PDZRN4: variants seen among roughly 807,000 people sequenced by gnomAD.
PDZRN4 encodes PDZ domain-containing RING finger protein 4.
A neutral mutation model predicts 99.0 loss-of-function variants in PDZRN4; 70 were observed. The observed-to-expected ratio is 0.71, with a 90% confidence interval of 0.58 to 0.86. The LOEUF (loss-of-function observed/expected upper bound fraction) is 0.86. PDZRN4 is among the 40% of genes least tolerant of loss of function. The pLI, the probability that PDZRN4 is intolerant of heterozygous loss-of-function variation, is 0.00. For missense variants in PDZRN4, 1,474 were observed against 1,331.2 expected (o/e 1.11, Z -1.67); for synonymous variants, 551 against 501.6 (o/e 1.10, Z -1.32).
chr12:41,251,761 A>T (rs1951171773), intron 3 of PDZRN4, among the ~76,000 whole-genome samples: 1 of 152,142 alleles, frequency 6.6e-6, no homozygotes, highest in Non-Finnish European at 1.5e-5. Context: ...GTCAGATTAC[A>T]ATATAGTCAA....
At chr12:41,275,956 C>T (rs367664131) in intron 3 of PDZRN4, among the ~76,000 whole-genome samples, 15 of 152,174 alleles carry the variant, frequency 9.9e-5, no homozygotes, top group African/African-American at 3.1e-4. Context: ...TTGTGAGTTT[C>T]GGAGTTGGGT....
intron 3 of PDZRN4, among the ~76,000 whole-genome samples, chr12:41,311,550 G>A (rs894334376): frequency 2.0e-5 from 3 of 152,104 alleles, no homozygotes; most frequent in African/African-American, 7.2e-5. Context: ...TGAAATATCA[G>A]GAACCATTGT....
chr12:41,298,864 C>A lies in PDZRN4; in HGVS notation c.843+104676C>A, dbSNP rs368621929. Among the ~76,000 whole-genome samples, 135 of 152,156 alleles carry A rather than the reference C, an allele frequency of 8.9e-4. 1 individual carries two copies. In the Middle Eastern group the frequency reaches 0.014, roughly 15 times the overall value. ...TTTTTCTTTGAGAAAGCAACATATA[C>A]CCCTTCTACACTTTAAAGTGGTTTA... On this transcript the variant is annotated intron_variant, in intron 3 of 9. Coordinates refer to ENST00000402685, the MANE Select transcript of PDZRN4 (RefSeq NM_001164595.2).
In PDZRN4 at chr12:41,330,166, G is replaced by A. The variant is rs1052750515; in HGVS notation, c.843+135978G>A. Among the ~76,000 whole-genome samples, 9 of 152,070 alleles carry A rather than the reference G, an allele frequency of 5.9e-5. No individual in the cohort carries two copies. The South Asian group carries it at 1.5e-3, about 25-fold the overall frequency. ...TATGCTTCCAAAATTAGCATAGTGA[G>A]TGCTACTCTGGAGGACAAAGTACAA... On this transcript the variant is annotated intron_variant, in intron 3 of 9. Transcript: ENST00000402685.
intron 3 of PDZRN4, among the ~76,000 whole-genome samples, chr12:41,320,821 G>A (rs1951671808): frequency 6.6e-6 from 1 of 151,956 alleles, no homozygotes; most frequent in Admixed American, 6.6e-5. Context: ...AAGTTAATTA[G>A]AATAAATAAT....
At chr12:41,270,076 A>G (rs1356398136) in intron 3 of PDZRN4, among the ~76,000 whole-genome samples, 1 of 152,106 alleles carries the variant, frequency 6.6e-6, no homozygotes, top group Non-Finnish European at 1.5e-5. Context: ...ATAAACCTGG[A>G]TTTGACTTTA....
chr12:41,247,807 C>T (rs765842143), intron 3 of PDZRN4, among the ~76,000 whole-genome samples: 7 of 152,054 alleles, frequency 4.6e-5, no homozygotes, highest in South Asian at 2.1e-4. Context: ...TAGCCAGTTT[C>T]GAACATGGGT....
chr12:41,309,370 G>C (rs2120946549), intron 3 of PDZRN4, among the ~76,000 whole-genome samples: 1 of 152,196 alleles, frequency 6.6e-6, no homozygotes, highest in Non-Finnish European at 1.5e-5. Flanking sequence ...ATGGCAGAAG[G>C]ACTGAGAGGG....
At position 41,558,041 on chromosome 12, in the gene PDZRN4, G is replaced by A. The variant is rs147008281; in HGVS notation, c.1365+2281G>A. Among the ~76,000 whole-genome samples, 6 of 152,200 alleles carry A rather than the reference G, an allele frequency of 3.9e-5. No homozygotes were observed. In the East Asian group the frequency reaches 1.2e-3, roughly 29 times the overall value. On this transcript the variant is annotated intron_variant, in intron 7 of 9. Transcript: ENST00000402685. ...TGAAAGGCTTTGCTTGTACAGCTTC[G>A]TTAAGAAATTAAAGGGACCATTTTC...
At chr12:41,360,939 AGTGTGTGTGTGTGTGTGTGTGTGTGT>A (rs10522706) in intron 3 of PDZRN4, among the ~76,000 whole-genome samples, 1 of 150,392 alleles carries the variant, frequency 6.6e-6, no homozygotes, top group Admixed American at 6.6e-5. Context: ...GAATAAGTAA[AGTGTGTGTGTGTGTGTGTGTGTGTGT>A]GTGTGTGTGT....
chr12:41,520,619 GACACACACACAC>G (rs10580466), intron 5 of PDZRN4, among the ~76,000 whole-genome samples: 3,286 of 137,346 alleles, frequency 0.024, 90 homozygotes, highest in African/African-American at 0.072. Flanking sequence ...CCTAAATACA[GACACACACACAC>G]ACACACACAC....
chr12:41,434,382 G>A (rs750879020), intron 3 of PDZRN4, among the ~76,000 whole-genome samples: 26 of 151,984 alleles, frequency 1.7e-4, no homozygotes, highest in Admixed American at 3.3e-4. Context: ...CACTTATCTC[G>A]TGTGTGTGTG....
chr12:41,558,814 G>A (rs1939214319), intron 7 of PDZRN4, among the ~76,000 whole-genome samples: 1 of 152,122 alleles, frequency 6.6e-6, no homozygotes, highest in South Asian at 2.1e-4. Context: ...GAAACAAAGA[G>A]TCTTAAGGGT....
chr12:41,328,085 GT>G (rs1565553075), intron 3 of PDZRN4, among the ~76,000 whole-genome samples: 1 of 152,070 alleles, frequency 6.6e-6, no homozygotes, highest in East Asian at 1.9e-4. Context: ...AAGACAAGAG[GT>G]GGTCTACCCA....
At chr12:41,450,745 AACC>A (rs1670943162) in intron 3 of PDZRN4, among the ~76,000 whole-genome samples, 1 of 152,122 alleles carries the variant, frequency 6.6e-6, no homozygotes, top group African/African-American at 2.4e-5. Flanking sequence ...AACATAGTAA[AACC>A]ATCTCTACTA....
At chr12:41,267,791 A>T (rs2120850272) in intron 3 of PDZRN4, among the ~76,000 whole-genome samples, 1 of 152,246 alleles carries the variant, frequency 6.6e-6, no homozygotes, top group East Asian at 1.9e-4. Flanking sequence ...CAGTGAGCTG[A>T]GATCTCACCA....
chr12:41,573,052 G>A lies in PDZRN4; in HGVS notation c.2273G>A (p.Ser758Asn). The change falls in exon 10 of 10, where the codon AGT becomes AAT. Residue 758 changes from serine to asparagine, a missense_variant. Transcript: ENST00000402685. ...TPLTVDRSPD[S>N]SLPRVINLTN... ...CTCACTGTAGACCGTTCCCCTGACA[G>A]TTCCCTTCCAAGGGTGATCAACCTC... The A allele has an allele frequency of 6.2e-7, 1 of 1,614,126 alleles. No individual in the cohort carries two copies. The highest frequency in any genetic ancestry group is 8.5e-7 in the Non-Finnish European group (1 of 1,180,014).
intron 3 of PDZRN4, among the ~76,000 whole-genome samples, chr12:41,282,595 A>T (rs558898073): frequency 3.5e-4 from 54 of 152,334 alleles, no homozygotes; most frequent in African/African-American, 1.2e-3. Context: ...CATTGCACTT[A>T]TTCTAAAATC....
chr12:41,492,253 A>C (rs1038315335), intron 3 of PDZRN4, among the ~76,000 whole-genome samples: 4 of 152,214 alleles, frequency 2.6e-5, no homozygotes, highest in Non-Finnish European at 4.4e-5. Context: ...TTTCTTTTAT[A>C]TGTAAAACCC....
Sources: gnomAD v4.1 joint callset for allele counts (sites outside exome capture counted in the v4.1 genomes callset) on GRCh38, gnomAD v4.1.1 for gene constraint, MANE v1.5 for transcripts, NCBI Gene and HGNC (gene_info 2026-07-23, HGNC 2026-07-21) for gene names.